Variants in FAM227B observed in about 807,000 individuals in gnomAD.
The protein encoded by FAM227B is family with sequence similarity 227 member B.
In FAM227B, 88 loss-of-function variants were observed where a neutral mutation model predicts 73.8. The observed-to-expected ratio is 1.19, with a 90% confidence interval of 1.00 to 1.42. The LOEUF (loss-of-function observed/expected upper bound fraction) is 1.42. Ranked by LOEUF, FAM227B falls within the 40% of genes most tolerant of loss-of-function variation. FAM227B has a pLI of 0.00. For missense variants in FAM227B, 632 were observed against 590.9 expected, an observed-to-expected ratio of 1.07 and a Z score of -0.72; for synonymous variants, 210 against 190.5, an observed-to-expected ratio of 1.10 and a Z score of -0.84.
At chr15:49,450,019 A>G (rs2052579431) in intron 11 of FAM227B, among the ~76,000 whole-genome samples, 1 of 152,122 alleles carries the variant, frequency 6.6e-6, no homozygotes, top group African/African-American at 2.4e-5. Context: ...ATGTGGTTGC[A>G]TGAGCCCGTA....
intron 10 of FAM227B, among the ~76,000 whole-genome samples, chr15:49,519,833 C>T (rs1043852293): frequency 6.6e-6 from 1 of 152,196 alleles, no homozygotes; most frequent in Non-Finnish European, 1.5e-5. Flanking sequence ...ATGCAAATTT[C>T]TGCAGCTGGT....
chr15:49,592,954 C>A (rs919083470), intron 3 of FAM227B, among the ~76,000 whole-genome samples: 1 of 152,204 alleles, frequency 6.6e-6, no homozygotes, highest in African/African-American at 2.4e-5. Context: ...GCTGCACCAG[C>A]AGTGAGCAAA....
intron 11 of FAM227B, among the ~76,000 whole-genome samples, chr15:49,437,001 C>A (rs1445039917): frequency 6.6e-6 from 1 of 151,560 alleles, no homozygotes; most frequent in African/African-American, 2.4e-5. Context: ...GAAGGCGTAG[C>A]AACCTTCAGT....
intron 11 of FAM227B, among the ~76,000 whole-genome samples, chr15:49,505,490 T>C (rs550845486): frequency 1.3e-5 from 2 of 152,222 alleles, no homozygotes; most frequent in South Asian, 4.1e-4. Flanking sequence ...TTTATGTAGA[T>C]ATATTTGACA....
chr15:49,394,232 G>GAT (rs1461486934), intron 11 of FAM227B, among the ~76,000 whole-genome samples: 6 of 152,112 alleles, frequency 3.9e-5, no homozygotes, highest in African/African-American at 7.2e-5. Context: ...AGTAAATGAA[G>GAT]ATATATTTGT....
rs75947481 is a variant in FAM227B at position 49,345,815 on chromosome 15, G to C, written c.1272-10319C>G. Among the ~76,000 whole-genome samples, 294 of 152,166 alleles carry C rather than the reference G, an allele frequency of 1.9e-3. 3 individuals are homozygous for C. Among genetic ancestry groups the C allele is most frequent in the African/African-American group, 6.6e-3 (276 of 41,536 alleles). On this transcript the variant is annotated intron_variant, in intron 13 of 15. Transcript: ENST00000299338. ...ATCACAGAATATTAGAGAAACAAAG[G>C]GTTTTGGAAATTGTAGGATCCAATT... is the stretch of plus-strand genomic sequence containing the variant.
At chr15:49,479,597 CTGTTTTTTTTTTT>C (rs1393524385) in intron 11 of FAM227B, among the ~76,000 whole-genome samples, 2 of 102,078 alleles carry the variant, frequency 2.0e-5, no homozygotes, top group Non-Finnish European at 3.7e-5. Flanking sequence ...GTTAATACCT[CTGTTTTTTTTTTT>C]TTTTTTTTTT....
Position 49,611,287 on chromosome 15 carries a change from C to T in FAM227B, c.52-19G>A. On this transcript the variant is annotated intron_variant, in intron 2 of 15. Transcript: ENST00000299338. ...GCATTTTCTAATAAAGTAATATCAA[C>T]ATTGTTCATTGGCATAAACTCACTA... is the stretch of plus-strand genomic sequence containing the variant. The T allele has an allele frequency of 6.9e-7, 1 of 1,442,678 alleles. No homozygotes were observed. Among genetic ancestry groups the T allele is most frequent in the Admixed American group, 1.7e-5 (1 of 58,162 alleles). The allele number at this position is 1,442,678 out of a possible 1,614,324, so 89.4% of individuals were successfully genotyped here. A position where few individuals can be genotyped will look rare whatever the true frequency, so the allele number is the denominator to read the frequency against.
intron 11 of FAM227B, among the ~76,000 whole-genome samples, 195 bp downstream of exon 11, chr15:49,508,016 T>A (rs1441535338): frequency 6.6e-6 from 1 of 152,124 alleles, no homozygotes; most frequent in Non-Finnish European, 1.5e-5. Flanking sequence ...ATAAACATTT[T>A]AAAAAATCAT....
At chr15:49,618,147 G>A (rs1436258156) in intron 1 of FAM227B, among the ~76,000 whole-genome samples, 2 of 152,116 alleles carry the variant, frequency 1.3e-5, no homozygotes, top group Admixed American at 1.3e-4. Context: ...AGGTTCTGGA[G>A]GTAAGGATAT....
At chr15:49,422,579 A>T (rs2049779057) in intron 11 of FAM227B, 1 of 1,316,304 alleles carries the variant, frequency 7.6e-7, no homozygotes, top group African/African-American at 1.5e-5. Flanking sequence ...GTAAAGCACC[A>T]TAGAGGCATT....
chr15:49,354,957 G>C (rs1160040608), intron 13 of FAM227B, among the ~76,000 whole-genome samples: 1 of 151,890 alleles, frequency 6.6e-6, no homozygotes, highest in Non-Finnish European at 1.5e-5. Flanking sequence ...GCCTAACTGG[G>C]AGGCACCCCC....
intron 13 of FAM227B, chr15:49,364,984 G>C (rs2044877471): frequency 2.5e-6 from 1 of 396,294 alleles, no homozygotes; most frequent in African/African-American, 2.0e-5. Context: ...TGATGTAACT[G>C]TCAGTACCAG....
intron 9 of FAM227B, among the ~76,000 whole-genome samples, chr15:49,565,504 T>C (rs1299056365): frequency 6.6e-6 from 1 of 151,764 alleles, no homozygotes; most frequent in Admixed American, 6.6e-5. Flanking sequence ...AAAAACACAA[T>C]ATTTTTATAT....
intron 15 of FAM227B, chr15:49,329,806 T>TA (rs558009170): frequency 0.073 from 53,047 of 727,408 alleles, 745 homozygotes; most frequent in African/African-American, 0.14. Flanking sequence ...TGGATCAGTG[T>TA]AAAAAAAAAA....
intron 11 of FAM227B, among the ~76,000 whole-genome samples, chr15:49,454,579 TC>T (rs771826967): frequency 5.3e-5 from 8 of 152,104 alleles, no homozygotes; most frequent in Non-Finnish European, 1.5e-5. Context: ...ATCTAGATAT[TC>T]CCCATAATTA....
At chr15:49,521,595 T>C (rs2059791067) in intron 10 of FAM227B, among the ~76,000 whole-genome samples, 1 of 152,148 alleles carries the variant, frequency 6.6e-6, no homozygotes, top group Admixed American at 6.5e-5. Context: ...CCACCTGAGC[T>C]TGCACAAAGG....
At chr15:49,438,061 G>A (rs1335168783) in intron 11 of FAM227B, among the ~76,000 whole-genome samples, 1 of 151,636 alleles carries the variant, frequency 6.6e-6, no homozygotes, top group East Asian at 1.9e-4. Flanking sequence ...AAAAAGCTGA[G>A]TTGTGTGTCA....
chr15:49,575,694 GC>G (rs1350933423), intron 7 of FAM227B, among the ~76,000 whole-genome samples: 1 of 151,926 alleles, frequency 6.6e-6, no homozygotes, highest in Non-Finnish European at 1.5e-5. Context: ...ACCAAGAACA[GC>G]AAAAATGTAA....
Sources: allele counts gnomAD v4.1 joint callset (sites outside exome capture counted in the v4.1 genomes callset), GRCh38; gene constraint gnomAD v4.1.1; transcripts MANE v1.5; gene names NCBI Gene and HGNC (gene_info 2026-07-23, HGNC 2026-07-21).